ATP7B: variants seen among roughly 807,000 people sequenced by gnomAD.
ATP7B encodes ATPase copper transporting beta.
ATP7B carries 113 observed loss-of-function variants against 118.9 expected under a neutral mutation model. The ratio of observed to expected loss-of-function variants is 0.95; its 90% CI spans 0.82 to 1.11. The LOEUF (loss-of-function observed/expected upper bound fraction) is 1.11, where lower values mean the gene tolerates loss of function less well. ATP7B is among the 50% of genes most tolerant of loss of function. The probability of loss-of-function intolerance (pLI) is 0.00; values close to 1 mark genes in which losing one functional copy is unlikely to be tolerated. For missense variants in ATP7B, 1,867 were observed against 1,871.4 expected, an observed-to-expected ratio of 1.00 and a Z score of 0.04; for synonymous variants, 777 against 727.4, an observed-to-expected ratio of 1.07 and a Z score of -1.10.
intron 9 of ATP7B, among the ~76,000 whole-genome samples, chr13:51,956,737 A>G (rs1958373653): frequency 6.6e-6 from 1 of 152,192 alleles, no homozygotes; most frequent in African/African-American, 2.4e-5. Context: ...TGAAATAACC[A>G]TTGCCTAGAA....
At chr13:51,995,459 T>C (rs1742380351) in intron 1 of ATP7B, 1 of 492,172 alleles carries the variant, frequency 2.0e-6, no homozygotes, top group South Asian at 8.7e-5. Context: ...CCACTGCTTG[T>C]GGACAGACAG....
At position 51,937,642 on chromosome 13, in the gene ATP7B, G is replaced by A. The variant is rs759740939; in HGVS notation, c.3737C>T (p.Ser1246Leu). 4.3e-6 allele frequency: 7 copies of A among 1,614,272 alleles called. No individual in the cohort carries two copies. The highest frequency in any genetic ancestry group is 3.3e-5 in the Admixed American group (2 of 60,034). Residue 1246 changes from serine to leucine, a missense_variant, in exon 18 of 21, where the codon TCG becomes TTG. Physicochemically the swap from Ser to Leu is moderately radical, Grantham distance 145. Coordinates refer to ENST00000242839, the MANE Select transcript of ATP7B (RefSeq NM_000053.4). The stretch of plus-strand genomic sequence containing the variant: ...CTCCTGGACCTTGGCCACCTTGTGC[G>A]AAGGCAGCACCTCTGCAAAGACTTT... ...INKVFAEVLP[S>L]HKVAKVQELQ...
intron 17 of ATP7B, among the ~76,000 whole-genome samples, chr13:51,938,107 A>G (rs1052717483): frequency 1.2e-4 from 18 of 152,196 alleles, no homozygotes; most frequent in Admixed American, 5.2e-4. Flanking sequence ...CCAGGGTCCC[A>G]GGGTCTGGCA....
intron 1 of ATP7B, among the ~76,000 whole-genome samples, chr13:51,980,432 A>G (rs1007377519): frequency 1.3e-5 from 2 of 152,236 alleles, no homozygotes; most frequent in African/African-American, 4.8e-5. Flanking sequence ...CTACCTCTCT[A>G]GGTACCCAAG....
chr13:51,963,736 CAA>C (rs933334832), intron 5 of ATP7B, among the ~76,000 whole-genome samples: 831 of 41,096 alleles, frequency 0.02, 2 homozygotes, highest in African/African-American at 0.067. Flanking sequence ...GACCACGTCT[CAA>C]AAAAAAAAAA....
At chr13:52,003,499 T>C (rs9526821) in intron 1 of ATP7B, among the ~76,000 whole-genome samples, 61,578 of 152,020 alleles carry the variant, frequency 0.41, 14,292 homozygotes, top group East Asian at 0.53. Flanking sequence ...GTAACAGATA[T>C]AATAATAATG....
rs571680164 is a variant in ATP7B, at chr13:51,960,235, G to C, written c.2034C>G (p.Pro678=). 3.7e-6 allele frequency: 6 copies of C among 1,613,932 alleles called. No homozygotes were observed. Among genetic ancestry groups the C allele is most frequent in the African/African-American group, 1.3e-5 (1 of 75,030 alleles). The change falls in exon 7 of 21, where the codon CCC becomes CCG. Residue 678 remains proline (P), a synonymous_variant. Coordinates refer to ENST00000242839, the MANE Select transcript of ATP7B (RefSeq NM_000053.4). ...TGTGGTCCAGGACCATGGACTGGTG[G>C]GGCTCGTTGCTGGGTATCAGCATAT... ...MIYMLIPSNE[P]HQSMVLDHNI... is the part of the protein sequence containing the mutation.
At chr13:51,998,430 A>G (rs1953325140) in intron 1 of ATP7B, among the ~76,000 whole-genome samples, 1 of 152,220 alleles carries the variant, frequency 6.6e-6, no homozygotes, top group South Asian at 2.1e-4. Flanking sequence ...TTACATTTGA[A>G]TAAGTATATT....
chr13:51,964,859 A>G lies in ATP7B; in HGVS notation c.1869+13T>C. ...TTAAAAAGGTGACTACAATTTTTTA[A>G]TGAATTACTTACCTCAATAATTTTG... On this transcript the variant is annotated intron_variant, in intron 5 of 20. Coordinates refer to ENST00000242839, the MANE Select transcript of ATP7B (RefSeq NM_000053.4). The G allele has an allele frequency of 6.2e-7, 1 of 1,612,780 alleles. No homozygotes were observed. The highest frequency in any genetic ancestry group is 1.1e-5 in the South Asian group (1 of 91,038).
chr13:51,960,551 C>G (rs554590959), intron 6 of ATP7B, among the ~76,000 whole-genome samples: 8 of 152,250 alleles, frequency 5.3e-5, no homozygotes, highest in African/African-American at 1.9e-4. Context: ...GATGTTGAGG[C>G]CCAGCCCCTG....
In ATP7B at chr13:51,950,389, CT is replaced by C; in HGVS notation, c.2457del (p.Val820SerfsTer53). On this transcript the variant is annotated frameshift_variant, in exon 10 of 21. Transcript: ENST00000242839. LOFTEE classifies it high-confidence loss of function. ...GEDNLIIREE[Q>X]VPMELVQRGD... ...CCCCGCTGCACCAGCTCCATGGGGA[CT>C]TGCTCCTCCCTGCAACAAACGCCAC... 6.2e-7 allele frequency: 1 copy of C among 1,614,122 alleles called. No homozygotes were observed. The highest frequency in any genetic ancestry group is 8.5e-7 in the Non-Finnish European group (1 of 1,180,028).
At chr13:51,965,141 A>G in intron 4 of ATP7B, 108 bp from the exon 5 acceptor site, 1 of 1,383,850 alleles carries the variant, frequency 7.2e-7, no homozygotes, top group Non-Finnish European at 1.0e-6. Context: ...TTCCCTCCTC[A>G]GCACTGCTCT....
chr13:52,010,185 C>T (rs1953955449), intron 1 of ATP7B, among the ~76,000 whole-genome samples: 1 of 152,194 alleles, frequency 6.6e-6, no homozygotes, highest in Non-Finnish European at 1.5e-5. Context: ...AATGCATAGT[C>T]ATCATACCCT....
chr13:51,978,758 T>C (rs1361149879), intron 1 of ATP7B: 2 of 152,184 alleles, frequency 1.3e-5, no homozygotes, highest in Admixed American at 1.3e-4. Flanking sequence ...ATATATAGCA[T>C]GTGTTTGTTA....
At chr13:52,011,196 C>A in intron 1 of ATP7B, 91 bp downstream of exon 1, 3 of 1,600,588 alleles carry the variant, frequency 1.9e-6, no homozygotes, top group Non-Finnish European at 2.6e-6. Context: ...CCCTGCGCAC[C>A]CCCTGGGGGC....
In ATP7B at chr13:51,974,734, T is replaced by G. The variant is rs1290525428; in HGVS notation, c.486A>C (p.Glu162Asp). Reference sequence around the variant, plus strand: ...CTCCTTGCAGTTTCCGGACCTTGCCTTCAATGGAGCTGACACAGGACTGGC... The same window carrying G: ...CTCCTTGCAGTTTCCGGACCTTGCCGTCAATGGAGCTGACACAGGACTGGC... ...MTCQSCVSSI[E>D]GKVRKLQGVV... Residue 162 changes from glutamate to aspartate, a missense_variant, in exon 2 of 21, where the codon GAA becomes GAC. Glu to Asp is a conservative substitution (Grantham distance 45). Transcript: ENST00000242839. The G allele has an allele frequency of 1.9e-6, 3 of 1,614,076 alleles. No homozygotes were observed. The South Asian group carries it at 3.3e-5, about 18-fold the overall frequency.
At chr13:51,991,224 C>T (rs972208144) in intron 1 of ATP7B, among the ~76,000 whole-genome samples, 7 of 152,208 alleles carry the variant, frequency 4.6e-5, no homozygotes, top group African/African-American at 1.7e-4. Flanking sequence ...TAACATCAAT[C>T]CTCCCTGCTG....
rs368589213 is a variant in ATP7B, at chr13:51,950,367, C to A, written c.2480G>T (p.Arg827Leu). ...EEQVPMELVQ[R>L]GDIVKVVPGG... is the part of the protein sequence containing the mutation. ...AGGGACCACCTTGACGATATCGCCCCGCTGCACCAGCTCCATGGGGACTTG... is the reference window on the plus strand; with the variant it reads ...AGGGACCACCTTGACGATATCGCCCAGCTGCACCAGCTCCATGGGGACTTG... The change falls in exon 10 of 21, where the codon CGG becomes CTG. Residue 827 changes from arginine (R) to leucine (L), a missense_variant. Coordinates refer to ENST00000242839, the MANE Select transcript of ATP7B (RefSeq NM_000053.4). The A allele has an allele frequency of 1.9e-6, 3 of 1,614,050 alleles. No individual in the cohort carries two copies. Among genetic ancestry groups the A allele is most frequent in the Admixed American group, 3.3e-5 (2 of 59,996 alleles).
intron 20 of ATP7B, 38 bp downstream of exon 20, chr13:51,935,555 G>C: frequency 6.3e-7 from 1 of 1,581,732 alleles, no homozygotes; most frequent in Non-Finnish European, 8.6e-7. Context: ...AAGGCCTCCT[G>C]GGAGCCTCCC....
Sources: allele counts gnomAD v4.1 joint callset (sites outside exome capture counted in the v4.1 genomes callset), GRCh38; gene constraint gnomAD v4.1.1; transcripts MANE v1.5; gene names NCBI Gene and HGNC (gene_info 2026-07-23, HGNC 2026-07-21).